NELL1: variants seen among roughly 807,000 people sequenced by gnomAD.
The protein encoded by NELL1 is neural EGFL like 1.
NELL1 carries 76 observed loss-of-function variants against 107.4 expected under a neutral mutation model. The observed-to-expected ratio is 0.71, with a 90% CI of 0.59 to 0.86. NELL1 has a LOEUF of 0.86. NELL1 is among the 40% of genes least tolerant of loss of function. NELL1 has a pLI of 0.00. For missense variants in NELL1, 1,024 were observed against 1,005.5 expected, an observed-to-expected ratio of 1.02 and a Z score of -0.25; for synonymous variants, 353 against 341.2, an observed-to-expected ratio of 1.03 and a Z score of -0.38.
At chr11:20,834,481 G>A (rs965973842) in intron 3 of NELL1, among the ~76,000 whole-genome samples, 1 of 151,990 alleles carries the variant, frequency 6.6e-6, no homozygotes, top group African/African-American at 2.4e-5. Context: ...ATAAATTTGT[G>A]ATTTATTTAT....
intron 12 of NELL1, among the ~76,000 whole-genome samples, chr11:21,033,218 T>C (rs945958197): frequency 1.3e-5 from 2 of 152,214 alleles, no homozygotes; most frequent in African/African-American, 4.8e-5. Context: ...TTCTGCCTGG[T>C]AATAATTTCT....
At chr11:21,061,994 C>T (rs1853753425) in intron 12 of NELL1, among the ~76,000 whole-genome samples, 1 of 152,110 alleles carries the variant, frequency 6.6e-6, no homozygotes, top group Admixed American at 6.6e-5. Context: ...TGCCTCAGAC[C>T]ATACATTCTC....
intron 14 of NELL1, among the ~76,000 whole-genome samples, chr11:21,303,197 G>A (rs533861070): frequency 3.0e-4 from 45 of 152,050 alleles, no homozygotes; most frequent in African/African-American, 8.9e-4. Context: ...GACATGGGCC[G>A]TTCCCTCAAG....
At chr11:21,493,527 TAA>T (rs36125830) in intron 15 of NELL1, among the ~76,000 whole-genome samples, 21,127 of 149,288 alleles carry the variant, frequency 0.14, 1,632 homozygotes, top group African/African-American at 0.21. Flanking sequence ...GTGTAGGAGC[TAA>T]AAAAAAAAAA....
intron 12 of NELL1, among the ~76,000 whole-genome samples, chr11:21,003,241 C>A (rs1456442928): frequency 1.3e-5 from 2 of 152,080 alleles, no homozygotes; most frequent in Non-Finnish European, 2.9e-5. Flanking sequence ...CATATAACTT[C>A]TTTTCTGAAA....
chr11:21,193,531 C>T (rs777007279), intron 13 of NELL1, among the ~76,000 whole-genome samples: 6 of 151,662 alleles, frequency 4.0e-5, no homozygotes, highest in Non-Finnish European at 7.4e-5. Context: ...TTCACATAGC[C>T]ATCAGGCAAT....
chr11:20,709,148 A>G (rs564344939), intron 2 of NELL1, among the ~76,000 whole-genome samples: 1 of 152,014 alleles, frequency 6.6e-6, no homozygotes, highest in East Asian at 1.9e-4. Context: ...TTCTGATGTT[A>G]TCTTCTAGAA....
At chr11:20,997,000 G>A (rs1852104537) in intron 12 of NELL1, among the ~76,000 whole-genome samples, 1 of 151,882 alleles carries the variant, frequency 6.6e-6, no homozygotes, top group Non-Finnish European at 1.5e-5. Context: ...TACCCCATGA[G>A]CATATCGTCC....
chr11:21,557,693 C>T (rs1213187298), intron 16 of NELL1, among the ~76,000 whole-genome samples: 1 of 151,918 alleles, frequency 6.6e-6, no homozygotes, highest in Non-Finnish European at 1.5e-5. Context: ...TTAAATTAGA[C>T]CCAAGGGCCT....
chr11:21,032,240 C>A (rs915898218), intron 12 of NELL1, among the ~76,000 whole-genome samples: 7 of 152,164 alleles, frequency 4.6e-5, no homozygotes, highest in African/African-American at 1.4e-4. Context: ...CTCAGCATGT[C>A]TTTATAACTT....
chr11:21,546,224 A>T (rs1050184186), intron 16 of NELL1, among the ~76,000 whole-genome samples: 1 of 151,996 alleles, frequency 6.6e-6, no homozygotes. Flanking sequence ...TTTATAATTC[A>T]GTCTCAGGGG....
At chr11:20,885,818 A>G (rs1849497684) in intron 5 of NELL1, among the ~76,000 whole-genome samples, 1 of 152,236 alleles carries the variant, frequency 6.6e-6, no homozygotes, top group African/African-American at 2.4e-5. Flanking sequence ...CTCTGCTGCC[A>G]GGGATGGATG....
intron 13 of NELL1, among the ~76,000 whole-genome samples, chr11:21,130,988 T>G (rs1180764324): frequency 1.3e-5 from 2 of 152,100 alleles, no homozygotes; most frequent in Admixed American, 6.5e-5. Flanking sequence ...TGAGGATATT[T>G]TATGACATCA....
intron 2 of NELL1, among the ~76,000 whole-genome samples, chr11:20,733,456 G>A (rs1327294090): frequency 2.0e-5 from 3 of 152,306 alleles, no homozygotes; most frequent in East Asian, 1.9e-4. Flanking sequence ...CCTAGATTAG[G>A]AGCTTAGGCT....
At chr11:20,788,716 T>A (rs1857017158) in intron 3 of NELL1, among the ~76,000 whole-genome samples, 1 of 152,184 alleles carries the variant, frequency 6.6e-6, no homozygotes, top group Non-Finnish European at 1.5e-5. Context: ...TTTTATTTTT[T>A]ATTTTTTGTG....
At chr11:21,105,793 CAACCT>C (rs1854942179) in intron 12 of NELL1, among the ~76,000 whole-genome samples, 8 of 106,098 alleles carry the variant, frequency 7.5e-5, no homozygotes, top group Non-Finnish European at 1.2e-4. Flanking sequence ...CTCCCCTCCC[CAACCT>C]TCCCCTTCCC....
chr11:21,240,778 G>A (rs1489450015), intron 14 of NELL1, among the ~76,000 whole-genome samples: 1 of 134,300 alleles, frequency 7.4e-6, no homozygotes, highest in East Asian at 2.2e-4. Context: ...GGGGGGGGGA[G>A]GGGGGAGTCT....
intron 3 of NELL1, among the ~76,000 whole-genome samples, chr11:20,802,703 C>G (rs1182704285): frequency 6.6e-6 from 1 of 152,126 alleles, no homozygotes; most frequent in South Asian, 2.1e-4. Flanking sequence ...AGCTATGGGT[C>G]TTTCATACAT....
chr11:21,363,461 C>A (rs10833518), intron 14 of NELL1, among the ~76,000 whole-genome samples: 33,569 of 152,088 alleles, frequency 0.22, 4,353 homozygotes, highest in Admixed American at 0.36. Flanking sequence ...TCACCTGTTT[C>A]ACAGAATTTG....
Sources: allele counts gnomAD v4.1 joint callset (sites outside exome capture counted in the v4.1 genomes callset), GRCh38; gene constraint gnomAD v4.1.1; transcripts MANE v1.5; gene names NCBI Gene and HGNC (gene_info 2026-07-23, HGNC 2026-07-21).